FHDC1: variants seen among roughly 807,000 people sequenced by gnomAD.
FHDC1 encodes the protein FH2 domain-containing protein 1.
Under a neutral mutation model 52.6 loss-of-function variants are expected in FHDC1, and 25 were observed. That is an observed-to-expected ratio of 0.48 (90% CI 0.35 to 0.66). FHDC1 has a LOEUF of 0.66. Among genes scored for constraint, FHDC1 ranks in the 30% least tolerant of loss-of-function variants. The pLI is 0.01. For missense variants in FHDC1, 1,459 were observed against 1,452.8 expected (o/e 1.00, Z -0.07); for synonymous variants, 616 against 581.5 (o/e 1.06, Z -0.85).
intron 2 of FHDC1, 45 bp downstream of exon 2, chr4:152,943,600 T>C: frequency 6.4e-7 from 1 of 1,560,150 alleles, no homozygotes; most frequent in Non-Finnish European, 8.7e-7. Context: ...CACTGCATTG[T>C]TTTGTGTTTT....
intron 2 of FHDC1, among the ~76,000 whole-genome samples, chr4:152,948,272 AC>A (rs1435765315): frequency 3.3e-5 from 5 of 152,238 alleles, no homozygotes; most frequent in Non-Finnish European, 5.9e-5. Context: ...GACATAAAAA[AC>A]AAAAGTGGTT....
Position 152,975,982 on chromosome 4 carries a change from A to G in FHDC1, c.2691A>G (p.Ser897=). 6.6e-7 allele frequency: 1 copy of G among 1,523,434 alleles called. No individual in the cohort carries two copies. 94.4% of individuals were successfully genotyped at this position (1,523,434 alleles called of 1,614,324 possible). ...VAKSVRTLTA[S]ENESMRKVMP... Reference sequence around the variant, plus strand: ...AGTCTGTGCGGACCCTGACCGCCTCAGAGAACGAGAGCATGCGCAAGGTCA... The same window carrying G: ...AGTCTGTGCGGACCCTGACCGCCTCGGAGAACGAGAGCATGCGCAAGGTCA... The change falls in exon 12 of 12, where the codon TCA becomes TCG. Residue 897 remains serine, a synonymous_variant. Coordinates refer to ENST00000511601, the MANE Select transcript of FHDC1 (RefSeq NM_001371116.1).
At chr4:152,930,564 A>C in the FHDC1 span, among the ~76,000 whole-genome samples, 2 of 152,216 alleles carry the variant, frequency 1.3e-5, no homozygotes, top group Non-Finnish European at 2.9e-5. Flanking sequence ...ATGTAGATGT[A>C]AACTGATTAT....
chr4:152,939,082 ATTG>A (rs1739501515), intron 1 of FHDC1, among the ~76,000 whole-genome samples: 1 of 151,036 alleles, frequency 6.6e-6, no homozygotes, highest in East Asian at 1.9e-4. Flanking sequence ...TTTTTTGGTT[ATTG>A]TTGTTTTGTT....
At chr4:152,936,052 C>T (rs1302691102), upstream of FHDC1, among the ~76,000 whole-genome samples, 1 of 152,076 alleles carries the variant, frequency 6.6e-6, no homozygotes, top group African/African-American at 2.4e-5. Context: ...TCTCGGTGGC[C>T]CCCGGCCTAG....
rs377717471 is a variant in FHDC1 at position 152,976,498 on chromosome 4, G to A, written c.3207G>A (p.Leu1069=). 3 of 1,613,352 alleles carry A rather than the reference G, an allele frequency of 1.9e-6. No homozygotes were observed. The highest frequency in any genetic ancestry group is 2.7e-5 in the African/African-American group (2 of 74,928). Residue 1069 remains leucine (L), a synonymous_variant, in exon 12 of 12, where the codon CTG becomes CTA. Coordinates refer to ENST00000511601, the MANE Select transcript of FHDC1 (RefSeq NM_001371116.1). ...CTCGGACAGTGTCGCAGCGGCAGCTGAGGGTGAAAGGGGACCCCGAGGATG... is the reference window on the plus strand; with the variant it reads ...CTCGGACAGTGTCGCAGCGGCAGCTAAGGGTGAAAGGGGACCCCGAGGATG... ...GITRTVSQRQ[L]RVKGDPEDAA...
chr4:152,959,036 T>C (rs1740195154), intron 4 of FHDC1, among the ~76,000 whole-genome samples: 1 of 152,218 alleles, frequency 6.6e-6, no homozygotes, highest in Non-Finnish European at 1.5e-5. Context: ...CTCCTTTCTT[T>C]ATATTTTTGA....
At chr4:152,965,889 A>G (rs1255303709) in intron 9 of FHDC1, among the ~76,000 whole-genome samples, 2 of 152,244 alleles carry the variant, frequency 1.3e-5, no homozygotes, top group Non-Finnish European at 1.5e-5. Flanking sequence ...TAAATGAACC[A>G]TAGCTCACAG....
At chr4:152,925,876 AAGGAGGAGGAGG>A in the FHDC1 span, among the ~76,000 whole-genome samples, 1 of 94,612 alleles carries the variant, frequency 1.1e-5, no homozygotes, top group African/African-American at 3.3e-5. Flanking sequence ...GAAGGAGGAG[AAGGAGGAGGAGG>A]AGGAGGAGGG....
Position 152,977,130 on chromosome 4 carries a change from T to A in FHDC1, c.*407T>A, listed in dbSNP as rs1740923679. ...AAAATTAGCTAGGTGCAGTGGTTCA[T>A]GCCTGTAATCCAGCACTTTGGGAGG... is the stretch of plus-strand genomic sequence containing the variant. On this transcript the variant is annotated 3_prime_UTR_variant, in exon 12 of 12. Coordinates refer to ENST00000511601, the MANE Select transcript of FHDC1 (RefSeq NM_001371116.1). 1 of 155,672 alleles carries A rather than the reference T, an allele frequency of 6.4e-6. No individual in the cohort carries two copies. Among genetic ancestry groups the A allele is most frequent in the Admixed American group, 6.4e-5 (1 of 15,730 alleles). The allele number at this position is 155,672 out of a possible 1,614,324, so 9.6% of individuals were successfully genotyped here.
the FHDC1 span, among the ~76,000 whole-genome samples, chr4:152,913,861 G>A: frequency 6.6e-5 from 10 of 151,150 alleles, no homozygotes; most frequent in African/African-American, 2.2e-4. Context: ...TATATTTTTA[G>A]TTAGAGACAG....
chr4:152,932,653 A>ACCC (rs1739272696), upstream of FHDC1, among the ~76,000 whole-genome samples: 1 of 152,246 alleles, frequency 6.6e-6, no homozygotes, highest in Non-Finnish European at 1.5e-5. Flanking sequence ...ATACTGAACA[A>ACCC]CTGATCTAAT....
At chr4:152,923,901 A>G in the FHDC1 span, among the ~76,000 whole-genome samples, 1 of 152,270 alleles carries the variant, frequency 6.6e-6, no homozygotes, top group East Asian at 1.9e-4. Context: ...AACCATAAAA[A>G]CTCTAGAAGA....
At chr4:152,945,727 G>C (rs1026984868) in intron 2 of FHDC1, among the ~76,000 whole-genome samples, 1 of 152,334 alleles carries the variant, frequency 6.6e-6, no homozygotes. Context: ...AAAGTGCTGG[G>C]ATTATAGGTG....
rs1353742147 is a variant in FHDC1, at chr4:152,964,926, A to G, written c.1051A>G (p.Ile351Val). ...CCAGGAAGCCCAAAAGAAAGATACC[A>G]TTCTTCTAAACTTTTCAGAAAAATT... ...VAQEAQKKDT[I>V]LLNFSEKLHH... Residue 351 changes from isoleucine to valine, a missense_variant, in exon 9 of 12, where the codon ATT becomes GTT. Around this residue, in one of 3 missense-constraint regions of FHDC1, gnomAD observed 513 missense variants for 581.5 expected, o/e 0.88. Coordinates refer to ENST00000511601, the MANE Select transcript of FHDC1 (RefSeq NM_001371116.1). The G allele has an allele frequency of 1.2e-5, 19 of 1,612,368 alleles. No individual in the cohort carries two copies. The highest frequency in any genetic ancestry group is 1.6e-4 in the Middle Eastern group (1 of 6,070).
chr4:152,922,424 A>C, the FHDC1 span, among the ~76,000 whole-genome samples: 1 of 152,210 alleles, frequency 6.6e-6, no homozygotes, highest in Non-Finnish European at 1.5e-5. Context: ...ATTCTATCAG[A>C]GGTACAAGGA....
intron 2 of FHDC1, among the ~76,000 whole-genome samples, chr4:152,948,435 G>C (rs184109463): frequency 9.2e-5 from 14 of 152,152 alleles, no homozygotes; most frequent in Non-Finnish European, 2.9e-5. Context: ...TGAGAGAGGG[G>C]AATGGAGAGT....
At chr4:152,945,126 A>G (rs1437070511) in intron 2 of FHDC1, among the ~76,000 whole-genome samples, 1 of 152,206 alleles carries the variant, frequency 6.6e-6, no homozygotes, top group African/African-American at 2.4e-5. Context: ...TGAATTGGGA[A>G]AATTTCAAGA....
At chr4:152,952,155 G>A (rs1352371442) in intron 2 of FHDC1, among the ~76,000 whole-genome samples, 1 of 152,070 alleles carries the variant, frequency 6.6e-6, no homozygotes, top group Non-Finnish European at 1.5e-5. Context: ...CTCCTAAAAG[G>A]TCTGTTGGAC....
Sources: allele counts gnomAD v4.1 joint callset (sites outside exome capture counted in the v4.1 genomes callset), GRCh38; gene constraint gnomAD v4.1.1; regional missense constraint gnomAD v4.1.1; transcripts MANE v1.5; gene names NCBI Gene and HGNC (gene_info 2026-07-23, HGNC 2026-07-21).